Variants in DSCAM observed in about 807,000 individuals in gnomAD.
DSCAM encodes DS cell adhesion molecule, also known as cell adhesion molecule DSCAM.
DSCAM carries 47 observed loss-of-function variants against 217.7 expected under a neutral mutation model. The ratio of observed to expected loss-of-function variants is 0.22; its 90% confidence interval spans 0.17 to 0.28. The LOEUF (loss-of-function observed/expected upper bound fraction) is 0.28, where lower values mean the gene tolerates loss of function less well. Among genes scored for constraint, DSCAM ranks in the 10% least tolerant of loss-of-function variants. DSCAM has a pLI of 1.00. For synonymous variants in DSCAM, 1,056 were observed against 1,015.3 expected, an observed-to-expected ratio of 1.04 and a Z score of -0.76; for missense variants, 2,080 against 2,618.3, an observed-to-expected ratio of 0.79 and a Z score of 4.49.
intron 3 of DSCAM, among the ~76,000 whole-genome samples, chr21:40,663,247 T>TG (rs2090160418): frequency 1.0e-5 from 1 of 99,824 alleles, no homozygotes; most frequent in South Asian, 4.9e-4. Flanking sequence ...AGCATGTGAG[T>TG]GTATGTCAAA....
At chr21:40,459,169 G>C (rs1020249517) in intron 3 of DSCAM, among the ~76,000 whole-genome samples, 1 of 152,078 alleles carries the variant, frequency 6.6e-6, no homozygotes, top group Non-Finnish European at 1.5e-5. Context: ...AATGATGTTA[G>C]AGCTATTAAA....
intron 20 of DSCAM, among the ~76,000 whole-genome samples, chr21:40,106,761 G>A (rs964725922): frequency 6.6e-6 from 1 of 152,170 alleles, no homozygotes; most frequent in African/African-American, 2.4e-5. Context: ...TGTGCATAGA[G>A]GTGTTCATAA....
At chr21:40,175,815 A>ACACGCACGCACG (rs1555886122) in intron 15 of DSCAM, among the ~76,000 whole-genome samples, 93 of 149,764 alleles carry the variant, frequency 6.2e-4, no homozygotes, top group Non-Finnish European at 7.3e-4. Flanking sequence ...ACACGCACAC[A>ACACGCACGCACG]CACACACACG....
chr21:40,768,016 A>G (rs1386346430), intron 1 of DSCAM, among the ~76,000 whole-genome samples: 2 of 152,248 alleles, frequency 1.3e-5, no homozygotes, highest in African/African-American at 2.4e-5. Flanking sequence ...AAAATCAAGA[A>G]TAATGAATGT....
At chr21:40,477,175 C>G (rs2075944092) in intron 3 of DSCAM, among the ~76,000 whole-genome samples, 1 of 151,998 alleles carries the variant, frequency 6.6e-6, no homozygotes, top group African/African-American at 2.4e-5. Context: ...CTGTTCAAAC[C>G]TCATTCATAC....
intron 8 of DSCAM, among the ~76,000 whole-genome samples, chr21:40,318,924 G>A (rs996491128): frequency 1.3e-5 from 2 of 152,122 alleles, no homozygotes; most frequent in African/African-American, 4.8e-5. Context: ...GAATTCTTTG[G>A]CCCTGCCTTC....
In DSCAM at chr21:40,078,949, C is replaced by G. The variant is rs764398319; in HGVS notation, c.4449G>C (p.Leu1483=). ...CGCGTGTGGTGTTGATGCTGGCAAACAGCTCCTGCTCCTTTGAGAACTGGG... is the reference window on the plus strand; with the variant it reads ...CGCGTGTGGTGTTGATGCTGGCAAAGAGCTCCTGCTCCTTTGAGAACTGGG... ...KEPQFSKEQE[L]FASINTTRVR... is the part of the protein sequence containing the mutation. Residue 1483 remains leucine (L), a synonymous_variant, in exon 26 of 33, where the codon CTG becomes CTC. Coordinates refer to ENST00000400454, the MANE Select transcript of DSCAM (RefSeq NM_001389.5). 3.7e-6 allele frequency: 6 copies of G among 1,614,062 alleles called. No homozygotes were observed. The highest frequency in any genetic ancestry group is 5.1e-6 in the Non-Finnish European group (6 of 1,180,012).
intron 32 of DSCAM, among the ~76,000 whole-genome samples, chr21:40,031,014 G>A (rs969991436): frequency 5.9e-5 from 9 of 152,064 alleles, no homozygotes; most frequent in Admixed American, 4.6e-4. Flanking sequence ...CTGGTTCACT[G>A]TACTTGCTGC....
intron 4 of DSCAM, 33 bp from the exon 5 acceptor site, chr21:40,353,776 A>C: frequency 6.7e-7 from 1 of 1,485,302 alleles, no homozygotes. Context: ...TAGAGGCAGG[A>C]ATGAGGAGTT....
chr21:40,611,116 T>C (rs1036492133), intron 3 of DSCAM, among the ~76,000 whole-genome samples: 13 of 144,968 alleles, frequency 9.0e-5, no homozygotes, highest in African/African-American at 3.1e-4. Flanking sequence ...TGGAGTACAG[T>C]GGCGCGATCT....
At chr21:40,822,680 A>G (rs1486192546) in intron 1 of DSCAM, among the ~76,000 whole-genome samples, 1 of 152,164 alleles carries the variant, frequency 6.6e-6, no homozygotes, top group East Asian at 1.9e-4. Context: ...AACATTCTGT[A>G]TCATGATCAC....
At chr21:40,828,254 A>G (rs2091985465) in intron 1 of DSCAM, among the ~76,000 whole-genome samples, 1 of 152,140 alleles carries the variant, frequency 6.6e-6, no homozygotes, top group South Asian at 2.1e-4. Context: ...ATAAATAAAT[A>G]AAAATAAATA....
rs562945157 is a variant in DSCAM, at chr21:40,664,309, T to A, written c.508+28501A>T. 3.2e-4 allele frequency among the ~76,000 whole-genome samples: 49 copies of A among 152,348 alleles called. No homozygotes were observed. The South Asian group carries it at 0.01, about 32-fold the overall frequency. On this transcript the variant is annotated intron_variant, in intron 3 of 32. Transcript: ENST00000400454. Reference sequence around the variant, plus strand: ...GGACTTCCATTGTATTTTCTCATCATATTTGTAAAGACCTGACTCTTCATT... The same window carrying A: ...GGACTTCCATTGTATTTTCTCATCAAATTTGTAAAGACCTGACTCTTCATT...
Position 40,353,655 on chromosome 21 carries a change from C to T in DSCAM, c.744G>A (p.Ala248=), listed in dbSNP as rs1319793102. 1.1e-5 allele frequency: 18 copies of T among 1,611,354 alleles called. No individual in the cohort carries two copies. Among genetic ancestry groups the T allele is most frequent in the Admixed American group, 3.4e-5 (2 of 59,082 alleles). ...GGTAATCTGGCTCAGGGTGCCCGAG[C>T]GCTTTGCAAGGCAGCTCCACACGCT... ...AGQRVELPCK[A]LGHPEPDYRW... Residue 248 remains alanine (A), a synonymous_variant, in exon 5 of 33, where the codon GCG becomes GCA. Transcript: ENST00000400454.
At chr21:40,418,958 A>G (rs1407982742) in intron 3 of DSCAM, among the ~76,000 whole-genome samples, 2 of 152,132 alleles carry the variant, frequency 1.3e-5, no homozygotes, top group East Asian at 3.9e-4. Flanking sequence ...AGAAAAGGAA[A>G]TAATTAAAGA....
chr21:40,639,863 A>G (rs927632055), intron 3 of DSCAM, among the ~76,000 whole-genome samples: 1 of 152,182 alleles, frequency 6.6e-6, no homozygotes, highest in Non-Finnish European at 1.5e-5. Context: ...ATACTTGAAA[A>G]TATCTGAGAA....
Position 40,550,672 on chromosome 21 carries a change from C to T in DSCAM, c.508+142138G>A, listed in dbSNP as rs1601736521. On this transcript the variant is annotated intron_variant, in intron 3 of 32. Transcript: ENST00000400454. ...GGATATTTCTCTAGAGTAGTAGTAG[C>T]TATTAAAAGAAAAACTTTAGACAAA... 2.6e-5 allele frequency among the ~76,000 whole-genome samples: 4 copies of T among 152,110 alleles called. No individual in the cohort carries two copies. In the South Asian group the frequency reaches 8.3e-4, roughly 31 times the overall value.
intron 30 of DSCAM, among the ~76,000 whole-genome samples, chr21:40,049,652 C>A (rs2088896907): frequency 6.6e-6 from 1 of 152,162 alleles, no homozygotes; most frequent in African/African-American, 2.4e-5. Flanking sequence ...TAAAGTGAAA[C>A]CTGAATAAAT....
intron 11 of DSCAM, among the ~76,000 whole-genome samples, chr21:40,259,862 C>T (rs531140842): frequency 5.3e-5 from 8 of 151,388 alleles, no homozygotes; most frequent in East Asian, 2.0e-4. Context: ...CTCCTTTGTT[C>T]GGTGTACTCT....
Sources: allele counts gnomAD v4.1 joint callset (sites outside exome capture counted in the v4.1 genomes callset), GRCh38; gene constraint gnomAD v4.1.1; transcripts MANE v1.5; gene names NCBI Gene and HGNC (gene_info 2026-07-23, HGNC 2026-07-21).